The following RNF180 variants were observed in gnomAD, a reference collection of about 807,000 sequenced individuals.
RNF180 encodes ring finger protein 180.
A neutral mutation model predicts 59.2 loss-of-function variants in RNF180; 38 were observed. The ratio of observed to expected loss-of-function variants is 0.64; its 90% CI spans 0.50 to 0.84. The LOEUF (loss-of-function observed/expected upper bound fraction) is 0.84, where lower values mean the gene tolerates loss of function less well. Ranked by LOEUF, RNF180 falls within the 40% of genes least tolerant of loss-of-function variation. The pLI is 0.00. For missense variants in RNF180, 705 were observed against 700.9 expected (o/e 1.01, Z -0.07); for synonymous variants, 262 against 240.3 (o/e 1.09, Z -0.84).
At chr5:64,251,966 CAT>C (rs1055276528) in intron 5 of RNF180, among the ~76,000 whole-genome samples, 1 of 152,070 alleles carries the variant, frequency 6.6e-6, no homozygotes, top group Admixed American at 6.6e-5. Flanking sequence ...GAAAATATCT[CAT>C]ACACATGGAT....
chr5:64,283,450 TA>T, intron 5 of RNF180, among the ~76,000 whole-genome samples: 1 of 152,078 alleles, frequency 6.6e-6, no homozygotes, highest in Non-Finnish European at 1.5e-5. Flanking sequence ...GCCTTCTAAT[TA>T]GGGCATTTAG....
chr5:64,357,772 T>A (rs1746087078), intron 7 of RNF180, among the ~76,000 whole-genome samples: 1 of 151,852 alleles, frequency 6.6e-6, no homozygotes, highest in South Asian at 2.1e-4. Flanking sequence ...TGGTCTTTGA[T>A]GGCGAATATA....
chr5:64,282,726 T>C (rs1742074244), intron 5 of RNF180, among the ~76,000 whole-genome samples: 1 of 152,194 alleles, frequency 6.6e-6, no homozygotes, highest in South Asian at 2.1e-4. Flanking sequence ...TTCTGGTATG[T>C]TATATCTTTA....
chr5:64,285,139 G>C (rs1742214477), intron 5 of RNF180, among the ~76,000 whole-genome samples: 1 of 152,136 alleles, frequency 6.6e-6, no homozygotes, highest in African/African-American at 2.4e-5. Flanking sequence ...GGTGGGGCTG[G>C]TACCAGGCTG....
At chr5:64,334,085 C>T (rs1745024349) in intron 7 of RNF180, among the ~76,000 whole-genome samples, 2 of 152,204 alleles carry the variant, frequency 1.3e-5, no homozygotes, top group Admixed American at 1.3e-4. Context: ...AGGATTCACT[C>T]ACTGTTGAGA....
intron 1 of RNF180, among the ~76,000 whole-genome samples, chr5:64,191,685 T>C (rs1037184149): frequency 2.6e-5 from 4 of 152,214 alleles, no homozygotes; most frequent in African/African-American, 9.7e-5. Context: ...GATTTTTATG[T>C]TTTTATATTA....
intron 5 of RNF180, among the ~76,000 whole-genome samples, chr5:64,315,998 T>A (rs1006666685): frequency 6.6e-6 from 1 of 152,144 alleles, no homozygotes; most frequent in Non-Finnish European, 1.5e-5. Context: ...CACTAGCAAT[T>A]TAACCCACTA....
intron 5 of RNF180, among the ~76,000 whole-genome samples, chr5:64,282,059 A>G (rs72752836): frequency 2.8e-4 from 43 of 151,992 alleles, no homozygotes; most frequent in Non-Finnish European, 4.4e-4. Flanking sequence ...ATTGCCCTGA[A>G]CTTCTCTTTT....
At chr5:64,279,649 T>A (rs1253090674) in intron 5 of RNF180, among the ~76,000 whole-genome samples, 1 of 152,222 alleles carries the variant, frequency 6.6e-6, no homozygotes, top group Non-Finnish European at 1.5e-5. Flanking sequence ...TTCTACTTTT[T>A]TATATCAGTT....
chr5:64,277,149 G>T (rs1227648507), intron 5 of RNF180, among the ~76,000 whole-genome samples: 1 of 145,606 alleles, frequency 6.9e-6, no homozygotes, highest in Non-Finnish European at 1.5e-5. Flanking sequence ...AATGAAGTTA[G>T]GATCCTAATA....
Position 64,229,694 on chromosome 5 carries a change from G to A in RNF180, c.1227+12298G>A, listed in dbSNP as rs534824013. Among the ~76,000 whole-genome samples the A allele has an allele frequency of 5.9e-5, 9 of 152,344 alleles. No individual in the cohort carries two copies. In the East Asian group the frequency reaches 1.3e-3, roughly 23 times the overall value. ...TTTAAGGGTTAGGGTTAGACACATCGTTTATTCTGGTTTTAAGTTTCAGGT... is the reference window on the plus strand; with the variant it reads ...TTTAAGGGTTAGGGTTAGACACATCATTTATTCTGGTTTTAAGTTTCAGGT... On this transcript the variant is annotated intron_variant, in intron 5 of 7. Transcript: ENST00000389100.
intron 1 of RNF180, chr5:64,166,299 CA>C (rs1348804774): frequency 2.0e-5 from 3 of 152,772 alleles, no homozygotes; most frequent in Non-Finnish European, 2.9e-5. Context: ...GGGTGGGTGC[CA>C]GGGGTCCAGT....
At position 64,369,612 on chromosome 5, in the gene RNF180, T is replaced by G; in HGVS notation, c.1580-3T>G. ...GGCTTTAATATGTTCATACATCTTC[T>G]AGGTTTCCGCAGACATGCAGCTCCA... On this transcript the variant is annotated splice_polypyrimidine_tract_variant and splice_region_variant and intron_variant, in intron 7 of 7. Transcript: ENST00000389100. The G allele has an allele frequency of 6.7e-7, 1 of 1,503,662 alleles. No individual in the cohort carries two copies. Among genetic ancestry groups the G allele is most frequent in the Non-Finnish European group, 8.9e-7 (1 of 1,128,890 alleles). 93.1% of individuals were successfully genotyped at this position (1,503,662 alleles called of 1,614,324 possible). A position where few individuals can be genotyped will look rare whatever the true frequency, so the allele number is the denominator to read the frequency against.
At chr5:64,288,750 T>G (rs1234101715) in intron 5 of RNF180, among the ~76,000 whole-genome samples, 3 of 152,358 alleles carry the variant, frequency 2.0e-5, no homozygotes, top group East Asian at 3.9e-4. Context: ...TTTTGTATCC[T>G]GAGACTTAGC....
Position 64,332,267 on chromosome 5 carries a change from AC to A in RNF180, c.1579+1862del, listed in dbSNP as rs573366301. On this transcript the variant is annotated intron_variant, in intron 7 of 7. Coordinates refer to ENST00000389100, the MANE Select transcript of RNF180 (RefSeq NM_001113561.2). ...CCTAGGGATCCTGTGACAATAGTTA[AC>A]AAAGGCACCAGTACTCTGTATAAAG... Among the ~76,000 whole-genome samples the A allele has an allele frequency of 3.4e-3, 515 of 152,338 alleles. 2 individuals carry two copies. Among genetic ancestry groups the A allele is most frequent in the African/African-American group, 0.011 (468 of 41,588 alleles).
At chr5:64,357,746 AAT>A (rs1453790453) in intron 7 of RNF180, among the ~76,000 whole-genome samples, 1 of 151,856 alleles carries the variant, frequency 6.6e-6, no homozygotes, top group African/African-American at 2.4e-5. Flanking sequence ...GCTTCAAAAT[AAT>A]AGAGTTCACT....
intron 5 of RNF180, among the ~76,000 whole-genome samples, chr5:64,319,500 T>G (rs1359785540): frequency 6.6e-6 from 1 of 152,224 alleles, no homozygotes; most frequent in Non-Finnish European, 1.5e-5. Flanking sequence ...TTGATGAACC[T>G]AAGTCTAAGG....
At chr5:64,210,330 G>C (rs1580006938) in intron 2 of RNF180, among the ~76,000 whole-genome samples, 1 of 152,218 alleles carries the variant, frequency 6.6e-6, no homozygotes, top group East Asian at 1.9e-4. Flanking sequence ...CTAGTCAAAA[G>C]AGAACCTTGG....
At chr5:64,168,985 G>A (rs986221952) in intron 1 of RNF180, among the ~76,000 whole-genome samples, 5 of 152,182 alleles carry the variant, frequency 3.3e-5, no homozygotes, top group African/African-American at 9.6e-5. Context: ...ATTTTTAAAA[G>A]TCTGTTGGTT....
Sources: gnomAD v4.1 joint callset for allele counts (sites outside exome capture counted in the v4.1 genomes callset) on GRCh38, gnomAD v4.1.1 for gene constraint, MANE v1.5 for transcripts, NCBI Gene and HGNC (gene_info 2026-07-23, HGNC 2026-07-21) for gene names.